The following GPX1 variants were observed in gnomAD, a reference collection of about 807,000 sequenced individuals.
GPX1 encodes the protein GSHPx-1.
GPX1 carries 8 observed loss-of-function variants against 11.5 expected under a neutral mutation model. The observed-to-expected ratio is 0.70, with a 90% CI of 0.41 to 1.25. GPX1 has a LOEUF of 1.25. Ranked by LOEUF, GPX1 falls within the 50% of genes most tolerant of loss-of-function variation. The pLI is 0.01. For synonymous variants in GPX1, 142 were observed against 127.8 expected, an observed-to-expected ratio of 1.11 and a Z score of -0.75; for missense variants, 266 against 284.3, an observed-to-expected ratio of 0.94 and a Z score of 0.46.
At position 49,357,436 on chromosome 3, in the gene GPX1, G is replaced by A. The variant is rs770771558; in HGVS notation, c.564C>T (p.Ile188=). Residue 188 remains isoleucine, a synonymous_variant, in exon 2 of 2, where the codon ATC becomes ATT. Coordinates refer to ENST00000419783, the MANE Select transcript of GPX1 (RefSeq NM_000581.4). The part of the protein sequence containing the change: ...RYSRRFQTID[I]EPDIEALLSQ... ...ACAGCAGGGCTTCGATGTCAGGCTC[G>A]ATGTCAATGGTCTGGAAGCGGCGGC... 2 of 1,613,098 alleles carry A rather than the reference G, an allele frequency of 1.2e-6. No individual in the cohort carries two copies. The highest frequency in any genetic ancestry group is 1.7e-6 in the Non-Finnish European group (2 of 1,179,560).
rs773870264 is a variant in GPX1 at position 49,357,459 on chromosome 3, G to A, written c.541C>T (p.Arg181Cys). ...PDGVPLRRYS[R>C]RFQTIDIEPD... ...TCGATGTCAATGGTCTGGAAGCGGC[G>A]GCTGTACCTGCGTAGGGGCACACCG... Residue 181 changes from arginine (R) to cysteine (C), a missense_variant, in exon 2 of 2, where the codon CGC (arginine) becomes TGC (cysteine). Transcript: ENST00000419783. 19 of 1,613,018 alleles carry A rather than the reference G, an allele frequency of 1.2e-5. No homozygotes were observed. The highest frequency in any genetic ancestry group is 4.5e-5 in the East Asian group (2 of 44,886).
chr3:49,357,884 A>C (rs1315389340), intron 1 of GPX1, 137 bp from the exon 2 acceptor site: 1 of 1,511,702 alleles, frequency 6.6e-7, no homozygotes, highest in East Asian at 2.3e-5. Context: ...GAGGAATTTC[A>C]GCAGCTACGA....
rs949016203 is a variant in GPX1 at position 49,358,235 on chromosome 3, G to A, written c.44C>T (p.Ser15Leu). ...CGGGCGCGCCGAGAAGGCATACACCGACTGGGCCGCCGCCGCCGCCGCCGC... is the reference window on the plus strand; with the variant it reads ...CGGGCGCGCCGAGAAGGCATACACCAACTGGGCCGCCGCCGCCGCCGCCGC... ...RLAAAAAAAQ[S>L]VYAFSARPLA... The change falls in exon 1 of 2, where the codon TCG becomes TTG. Residue 15 changes from serine to leucine, a missense_variant. Coordinates refer to ENST00000419783, the MANE Select transcript of GPX1 (RefSeq NM_000581.4). The A allele has an allele frequency of 3.4e-6, 5 of 1,474,858 alleles. No homozygotes were observed. In the South Asian group the frequency reaches 6.2e-5, roughly 18 times the overall value. 91.4% of individuals were successfully genotyped at this position (1,474,858 alleles called of 1,614,324 possible).
Position 49,357,678 on chromosome 3 carries a change from T to G in GPX1, c.322A>C (p.Asn108His). 5 of 1,613,330 alleles carry G rather than the reference T, an allele frequency of 3.1e-6. No individual in the cohort carries two copies. The highest frequency in any genetic ancestry group is 4.2e-6 in the Non-Finnish European group (5 of 1,179,728). The change falls in exon 2 of 2, where the codon AAC becomes CAC. Residue 108 changes from asparagine (N) to histidine (H), a missense_variant. Transcript: ENST00000419783. ...TCGCACTTCTCGAAGAGCATGAAGT[T>G]GGGCTCGAACCCACCACCAGGCCGG... is the stretch of plus-strand genomic sequence containing the variant. ...YVRPGGGFEP[N>H]FMLFEKCEVN...
chr3:49,357,734 T>A lies in GPX1; in HGVS notation c.266A>T (p.Asn89Ile). The change falls in exon 2 of 2, where the codon AAC becomes ATC. Residue 89 changes from asparagine to isoleucine, a missense_variant. By Grantham distance (149) the Asn-to-Ile change is moderately radical (BLOSUM62 -3). Transcript: ENST00000419783. Reference sequence around the variant, plus strand: ...CTTGAGGGAATTCAGAATCTCTTCGTTCTTGGCGTTCTCCTACAGGAGAGA... The same window carrying A: ...CTTGAGGGAATTCAGAATCTCTTCGATCTTGGCGTTCTCCTACAGGAGAGA... ...NQFGHQENAK[N>I]EEILNSLKYV... 3 of 1,605,700 alleles carry A rather than the reference T, an allele frequency of 1.9e-6. No homozygotes were observed. Among genetic ancestry groups the A allele is most frequent in the Non-Finnish European group, 2.6e-6 (3 of 1,173,902 alleles).
rs1019268907 is a variant in GPX1, at chr3:49,358,282, G to C, written c.-4C>G. 4.6e-6 allele frequency: 7 copies of C among 1,536,398 alleles called. No individual in the cohort carries two copies. The highest frequency in any genetic ancestry group is 2.0e-5 in the Admixed American group (1 of 49,728). On this transcript the variant is annotated 5_prime_UTR_variant, in exon 1 of 2. Transcript: ENST00000419783. ...CCGCTAGCCGAGCAGCACACATGGC[G>C]CAATTGTCCAAGAAGCCAGCGGAGC... is the stretch of plus-strand genomic sequence containing the variant.
rs926023227 is a variant in GPX1, at chr3:49,358,012, C to T, written c.252+15G>A. The T allele has an allele frequency of 3.7e-6, 6 of 1,603,788 alleles. No individual in the cohort carries two copies. Among genetic ancestry groups the T allele is most frequent in the Non-Finnish European group, 5.1e-6 (6 of 1,175,528 alleles). On this transcript the variant is annotated intron_variant, in intron 1 of 1. Coordinates refer to ENST00000419783, the MANE Select transcript of GPX1 (RefSeq NM_000581.4). ...GCACGTCCGCCCCCGCCCCGCCCCG[C>T]TCCGCCCGGCGCACCTGATGCCCAA... is the stretch of plus-strand genomic sequence containing the variant.
Position 49,357,650 on chromosome 3 carries a change from A to C in GPX1, c.350T>G (p.Val117Gly). ...PNFMLFEKCE[V>G]NGAGAHPLFA... ...GAGAGGGTGCGCCCCCGCACCGTTC[A>C]CCTCGCACTTCTCGAAGAGCATGAA... is the stretch of plus-strand genomic sequence containing the variant. The change falls in exon 2 of 2, where the codon GTG (valine) becomes GGG (glycine). Residue 117 changes from valine to glycine, a missense_variant. By Grantham distance (109) the Val-to-Gly change is moderately radical (BLOSUM62 -3). Coordinates refer to ENST00000419783, the MANE Select transcript of GPX1 (RefSeq NM_000581.4). 1 of 1,613,338 alleles carries C rather than the reference A, an allele frequency of 6.2e-7. No individual in the cohort carries two copies. Among genetic ancestry groups the C allele is most frequent in the Non-Finnish European group, 8.5e-7 (1 of 1,179,878 alleles).
Position 49,357,482 on chromosome 3 carries a change from C to G in GPX1, c.518G>C (p.Gly173Ala). 1.9e-6 allele frequency: 3 copies of G among 1,613,502 alleles called. No homozygotes were observed. The highest frequency in any genetic ancestry group is 1.7e-6 in the Non-Finnish European group (2 of 1,179,808). ...NFEKFLVGPD[G>A]VPLRRYSRRF... ...GCGGCTGTACCTGCGTAGGGGCACA[C>G]CGTCAGGGCCCACCAGGAACTTCTC... The change falls in exon 2 of 2, where the codon GGT becomes GCT. Residue 173 changes from glycine to alanine, a missense_variant. By Grantham distance (60) the Gly-to-Ala change is moderately conservative (BLOSUM62 0). Coordinates refer to ENST00000419783, the MANE Select transcript of GPX1 (RefSeq NM_000581.4).
At chr3:49,357,964 C>T in intron 1 of GPX1, 63 bp downstream of exon 1, 1 of 1,536,950 alleles carries the variant, frequency 6.5e-7, no homozygotes, top group Non-Finnish European at 8.8e-7. Context: ...ACCAGCACAC[C>T]GCCGGCGCCC....
Position 49,357,376 on chromosome 3 carries a change from A to T in GPX1, c.*12T>A. 6.3e-7 allele frequency: 1 copy of T among 1,595,196 alleles called. No individual in the cohort carries two copies. On this transcript the variant is annotated 3_prime_UTR_variant, in exon 2 of 2. Coordinates refer to ENST00000419783, the MANE Select transcript of GPX1 (RefSeq NM_000581.4). ...ACTGCAACTGCCAAGCAGCCGGGGT[A>T]GGAGGGGCGCCCTAGGCACAGCTGG...
chr3:49,358,216 C>T lies in GPX1; in HGVS notation c.63G>A (p.Ala21=). The T allele has an allele frequency of 1.9e-6, 3 of 1,546,678 alleles. No homozygotes were observed. Among genetic ancestry groups the T allele is most frequent in the South Asian group, 1.2e-5 (1 of 84,460 alleles). The part of the protein sequence containing the change: ...AAAQSVYAFS[A]RPLAGGEPVS... Reference sequence around the variant, plus strand: ...CAGGCTCCCCGCCGGCCAGCGGGCGCGCCGAGAAGGCATACACCGACTGGG... The same window carrying T: ...CAGGCTCCCCGCCGGCCAGCGGGCGTGCCGAGAAGGCATACACCGACTGGG... Residue 21 remains alanine (A), a synonymous_variant, in exon 1 of 2, where the codon GCG becomes GCA. Transcript: ENST00000419783.
rs892202982 is a variant in GPX1, at chr3:49,358,335, C to T, written c.-57G>A. On this transcript the variant is annotated 5_prime_UTR_variant, in exon 1 of 2. Transcript: ENST00000419783. ...CCCGAACAAGCACTGTAAGGGGAGG[C>T]CAGCAGGCGCCTCCTTTTAACTGGC... is the stretch of plus-strand genomic sequence containing the variant. 4 of 1,467,634 alleles carry T rather than the reference C, an allele frequency of 2.7e-6. No individual in the cohort carries two copies. The highest frequency in any genetic ancestry group is 3.6e-6 in the Non-Finnish European group (4 of 1,106,314). 90.9% of individuals were successfully genotyped at this position (1,467,634 alleles called of 1,614,324 possible).
Position 49,357,766 on chromosome 3 carries a change from G to A in GPX1, c.253-19C>T, listed in dbSNP as rs750576769. The A allele has an allele frequency of 2.5e-6, 4 of 1,589,246 alleles. No homozygotes were observed. The highest frequency in any genetic ancestry group is 2.2e-5 in the South Asian group (2 of 90,070). ...CGTTCTCCTACAGGAGAGAAGGGCA[G>A]CTAGAACCCGGGGTCAAGAGGAGGA... On this transcript the variant is annotated intron_variant, in intron 1 of 1. Transcript: ENST00000419783.
chr3:49,357,299 G>T lies in GPX1; in HGVS notation c.*89C>A. The T allele has an allele frequency of 1.6e-6, 2 of 1,260,010 alleles. No homozygotes were observed. The highest frequency in any genetic ancestry group is 1.1e-6 in the Non-Finnish European group (1 of 894,158). The allele number at this position is 1,260,010 out of a possible 1,614,324, so 78.1% of individuals were successfully genotyped here. A position where few individuals can be genotyped will look rare whatever the true frequency, so the allele number is the denominator to read the frequency against. On this transcript the variant is annotated 3_prime_UTR_variant, in exon 2 of 2. Coordinates refer to ENST00000419783, the MANE Select transcript of GPX1 (RefSeq NM_000581.4). ...CTGTAAGATCAGGTGTTCCTCCCTC[G>T]TAGGTTTAGAGGAAACACCCTCATA...
chr3:49,357,959 C>T, intron 1 of GPX1, 68 bp downstream of exon 1: 1 of 1,533,956 alleles, frequency 6.5e-7, no homozygotes, highest in Non-Finnish European at 8.8e-7. Context: ...CACCCACCAG[C>T]ACACCGCCGG....
rs1290471998 is a variant in GPX1 at position 49,358,063 on chromosome 3, C to G, written c.216G>C (p.Val72=). The change falls in exon 1 of 2, where the codon GTG becomes GTC. Residue 72 remains valine (V), a synonymous_variant. Transcript: ENST00000419783. ...ACTGGTTGCACGGGAAGCCGAGCAC[C>G]ACCAGGCCCCGGGGTCCGAGGCGCC... ...LQRRLGPRGL[V]VLGFPCNQFG... is the part of the protein sequence containing the mutation. 1.2e-6 allele frequency: 2 copies of G among 1,611,118 alleles called. No individual in the cohort carries two copies. Among genetic ancestry groups the G allele is most frequent in the East Asian group, 4.5e-5 (2 of 44,840 alleles).
At position 49,358,349 on chromosome 3, in the gene GPX1, C is replaced by T; in HGVS notation, c.-71G>A. On this transcript the variant is annotated 5_prime_UTR_variant, in exon 1 of 2. Coordinates refer to ENST00000419783, the MANE Select transcript of GPX1 (RefSeq NM_000581.4). ...GTAAGGGGAGGCCAGCAGGCGCCTC[C>T]TTTTAACTGGCCGGCGGCGGGTCAC... 5 of 1,452,804 alleles carry T rather than the reference C, an allele frequency of 3.4e-6. No homozygotes were observed. The highest frequency in any genetic ancestry group is 1.4e-5 in the African/African-American group (1 of 69,814). The allele number at this position is 1,452,804 out of a possible 1,614,324, so 90.0% of individuals were successfully genotyped here.
chr3:49,357,614 AG>A lies in GPX1; in HGVS notation c.385del (p.Leu129CysfsTer?). ...GCTGGGAGCTGGCAGGGCCTCCCGC[AG>A]GAAGGCGAAGAGAGGGTGCGCCCCC... ...GAGAHPLFAF[L>X]REALPAPSDD... On this transcript the variant is annotated frameshift_variant, in exon 2 of 2. Coordinates refer to ENST00000419783, the MANE Select transcript of GPX1 (RefSeq NM_000581.4). LOFTEE classifies it high-confidence loss of function. 1 of 1,613,302 alleles carries A rather than the reference AG, an allele frequency of 6.2e-7. No homozygotes were observed. The highest frequency in any genetic ancestry group is 8.5e-7 in the Non-Finnish European group (1 of 1,179,914).
Sources: gnomAD v4.1 joint callset for allele counts on GRCh38, gnomAD v4.1.1 for gene constraint, MANE v1.5 for transcripts, NCBI Gene and HGNC (gene_info 2026-07-23, HGNC 2026-07-21) for gene names.